ITGB1: variants seen among roughly 807,000 people sequenced by gnomAD.
The protein encoded by ITGB1 is integrin beta-1.
In ITGB1, 24 loss-of-function variants were observed where a neutral mutation model predicts 86.5. The ratio of observed to expected loss-of-function variants is 0.28; its 90% CI spans 0.20 to 0.39. ITGB1 has a LOEUF of 0.39. Ranked by LOEUF, ITGB1 falls within the 10% of genes least tolerant of loss-of-function variation. The pLI is 1.00. For synonymous variants in ITGB1, 323 were observed against 316.8 expected, an observed-to-expected ratio of 1.02 and a Z score of -0.21; for missense variants, 556 against 946.9, an observed-to-expected ratio of 0.59 and a Z score of 5.42.
intron 1 of ITGB1, among the ~76,000 whole-genome samples, chr10:32,942,655 C>A (rs558720124): frequency 4.0e-5 from 6 of 151,246 alleles, no homozygotes; most frequent in African/African-American, 1.2e-4. Context: ...GAGTTCAAGA[C>A]TAGCCTCGAC....
intron 1 of ITGB1, chr10:32,951,684 G>C (rs984642758): frequency 1.3e-5 from 2 of 152,136 alleles, no homozygotes; most frequent in Non-Finnish European, 2.9e-5. Flanking sequence ...CCTAGCAATT[G>C]ATTGTTTTTC....
At chr10:32,952,334 C>CT (rs967702858) in intron 1 of ITGB1, among the ~76,000 whole-genome samples, 7 of 152,218 alleles carry the variant, frequency 4.6e-5, no homozygotes, top group Admixed American at 1.3e-4. Flanking sequence ...GTTTCTCAAT[C>CT]TTTTTAATCC....
At chr10:32,944,894 AAAAGACT>A in intron 1 of ITGB1, 2 of 1,343,114 alleles carry the variant, frequency 1.5e-6, no homozygotes. Flanking sequence ...GACGGTTATC[AAAAGACT>A]AAAGGCTTAT....
intron 1 of ITGB1, 85 bp from the exon 2 acceptor site, chr10:32,935,643 T>C: frequency 1.1e-6 from 1 of 915,350 alleles, no homozygotes; most frequent in Non-Finnish European, 1.7e-6. Flanking sequence ...CCACCGTACC[T>C]TCTATTGCTT....
At chr10:32,913,328 G>C (rs182159933) in intron 11 of ITGB1, among the ~76,000 whole-genome samples, 1 of 152,222 alleles carries the variant, frequency 6.6e-6, no homozygotes, top group African/African-American at 2.4e-5. Flanking sequence ...TTGACAAGTT[G>C]AGAGAAGAAG....
At chr10:32,910,051 C>T in intron 14 of ITGB1, among the ~76,000 whole-genome samples, 172 bp downstream of exon 14, 1 of 152,042 alleles carries the variant, frequency 6.6e-6, no homozygotes, top group East Asian at 1.9e-4. Flanking sequence ...CTCTCTTTTC[C>T]TTATTTCTTA....
chr10:32,933,376 CT>C (rs907583869), intron 2 of ITGB1: 20 of 152,180 alleles, frequency 1.3e-4, no homozygotes, highest in Non-Finnish European at 2.8e-4. Context: ...TTTCCCTTTG[CT>C]TTCAGTATGT....
At chr10:32,912,805 A>G (rs911757095) in intron 11 of ITGB1, among the ~76,000 whole-genome samples, 21 of 152,230 alleles carry the variant, frequency 1.4e-4, no homozygotes, top group Non-Finnish European at 8.8e-5. Context: ...ACAGCTTTGA[A>G]GAGAGTAGTG....
chr10:32,929,105 G>A (rs956566062), intron 4 of ITGB1, among the ~76,000 whole-genome samples: 1 of 151,688 alleles, frequency 6.6e-6, no homozygotes, highest in African/African-American at 2.4e-5. Context: ...AGGCCTGGAA[G>A]GCAATGGTAA....
At chr10:32,915,754 A>G (rs1055476811) in intron 11 of ITGB1, among the ~76,000 whole-genome samples, 2 of 152,242 alleles carry the variant, frequency 1.3e-5, no homozygotes, top group Non-Finnish European at 2.9e-5. Context: ...AGCTGGTACC[A>G]TTCCTTCTGA....
At chr10:32,906,943 C>A in intron 15 of ITGB1, 1 of 489,668 alleles carries the variant, frequency 2.0e-6, no homozygotes, top group Non-Finnish European at 3.9e-6. Context: ...AGAAAAGCCA[C>A]AATAGCGATA....
At chr10:32,903,552 T>A (rs1053445710) in intron 15 of ITGB1, among the ~76,000 whole-genome samples, 1 of 151,984 alleles carries the variant, frequency 6.6e-6, no homozygotes, top group Admixed American at 6.6e-5. Context: ...ACCACTGTGA[T>A]TTCAGCTCAG....
chr10:32,923,807 T>A, intron 6 of ITGB1, 67 bp from the exon 7 acceptor site: 1 of 1,275,134 alleles, frequency 7.8e-7, no homozygotes, highest in East Asian at 2.5e-5. Flanking sequence ...TCCTTTAATT[T>A]TCATATAGGC....
chr10:32,927,995 C>A, intron 5 of ITGB1, 99 bp downstream of exon 5: 2 of 709,994 alleles, frequency 2.8e-6, no homozygotes, highest in Non-Finnish European at 4.6e-6. Context: ...GTTTATCTCA[C>A]AAGTATGTTG....
intron 11 of ITGB1, among the ~76,000 whole-genome samples, chr10:32,912,899 G>A (rs1238373796): frequency 1.3e-5 from 2 of 152,204 alleles, no homozygotes. Flanking sequence ...GCCTAACTGG[G>A]AGACACCTCC....
chr10:32,910,624 T>G (rs985400185), intron 13 of ITGB1, among the ~76,000 whole-genome samples, 169 bp from the exon 14 acceptor site: 2 of 152,164 alleles, frequency 1.3e-5, no homozygotes, highest in Non-Finnish European at 2.9e-5. Flanking sequence ...AAAAATTATG[T>G]AAAAAGATGC....
intron 1 of ITGB1, among the ~76,000 whole-genome samples, chr10:32,937,706 A>AAGAGTTAT (rs1472042084): frequency 1.3e-5 from 2 of 152,152 alleles, no homozygotes; most frequent in Non-Finnish European, 2.9e-5. Context: ...GAAGATAACA[A>AAGAGTTAT]AGAGTTATAT....
intron 6 of ITGB1, among the ~76,000 whole-genome samples, chr10:32,924,264 G>A (rs776268009): frequency 1.3e-5 from 2 of 152,066 alleles, no homozygotes; most frequent in Non-Finnish European, 2.9e-5. Flanking sequence ...CTTGTTTAAG[G>A]ATAATTTCAC....
intron 1 of ITGB1, among the ~76,000 whole-genome samples, chr10:32,940,486 C>T (rs891780794): frequency 6.6e-6 from 1 of 152,174 alleles, no homozygotes; most frequent in African/African-American, 2.4e-5. Flanking sequence ...TTTACACCAG[C>T]ATCACCACAA....
Sources: gnomAD v4.1 joint callset for allele counts (sites outside exome capture counted in the v4.1 genomes callset) on GRCh38, gnomAD v4.1.1 for gene constraint, MANE v1.5 for transcripts, NCBI Gene and HGNC (gene_info 2026-07-23, HGNC 2026-07-21) for gene names.